Variants in BUB1B observed in about 807,000 individuals in gnomAD.
The protein encoded by BUB1B is mitotic checkpoint serine/threonine-protein kinase BUB1 beta.
In BUB1B, 86 loss-of-function variants were observed where a neutral mutation model predicts 137.7. The observed-to-expected ratio is 0.62, with a 90% CI of 0.52 to 0.75. BUB1B has a LOEUF of 0.75. Ranked by LOEUF, BUB1B falls within the 30% of genes least tolerant of loss-of-function variation. The pLI, the probability that BUB1B is intolerant of heterozygous loss-of-function variation, is 0.00. For synonymous variants in BUB1B, 420 were observed against 417.9 expected, an observed-to-expected ratio of 1.00 and a Z score of -0.06; for missense variants, 1,130 against 1,236.9, an observed-to-expected ratio of 0.91 and a Z score of 1.30.
chr15:40,197,475 G>A (rs2037512434), intron 9 of BUB1B, among the ~76,000 whole-genome samples: 1 of 152,108 alleles, frequency 6.6e-6, no homozygotes, highest in Non-Finnish European at 1.5e-5. Context: ...GGAGAATAAA[G>A]AAGGGTACAG....
rs755369007 is a variant in BUB1B, at chr15:40,213,351, A to C, written c.2555A>C (p.Glu852Ala). ...TTCCAGGATCTTCTCCAACACAGTG[A>C]ATATATTACCCATGAAATAACAGTG... Reference protein sequence around the residue: ...FTLQDLLQHSEYITHEITVLI... With the variant: ...FTLQDLLQHSAYITHEITVLI... Residue 852 changes from glutamate to alanine, a missense_variant, in exon 20 of 23, where the codon GAA (glutamate) becomes GCA (alanine). By Grantham distance (107) the Glu-to-Ala change is moderately radical. Transcript: ENST00000287598. 6.2e-7 allele frequency: 1 copy of C among 1,614,034 alleles called. No homozygotes were observed. Among genetic ancestry groups the C allele is most frequent in the Non-Finnish European group, 8.5e-7 (1 of 1,179,946 alleles).
chr15:40,189,425 G>A (rs756149654), intron 8 of BUB1B, among the ~76,000 whole-genome samples: 3 of 152,216 alleles, frequency 2.0e-5, no homozygotes, highest in South Asian at 2.1e-4. Flanking sequence ...TTCCCAGACC[G>A]CTGGGATTAT....
chr15:40,184,679 G>C (rs1295492307), intron 6 of BUB1B, among the ~76,000 whole-genome samples: 1 of 152,048 alleles, frequency 6.6e-6, no homozygotes, highest in Non-Finnish European at 1.5e-5. Context: ...GGGAGTGTAT[G>C]GTCCCAAAGG....
chr15:40,211,373 T>A (rs2037707903), intron 18 of BUB1B, among the ~76,000 whole-genome samples: 1 of 152,162 alleles, frequency 6.6e-6, no homozygotes, highest in Non-Finnish European at 1.5e-5. Context: ...GCTCTGTGTA[T>A]ATGGAAAGAC....
At chr15:40,177,308 G>A (rs2037234498) in intron 5 of BUB1B, among the ~76,000 whole-genome samples, 1 of 152,118 alleles carries the variant, frequency 6.6e-6, no homozygotes, top group Non-Finnish European at 1.5e-5. Context: ...TCTAGCCAAA[G>A]ATTGTTACAG....
At position 40,170,103 on chromosome 15, in the gene BUB1B, C is replaced by T; in HGVS notation, c.221C>T (p.Pro74Leu). The T allele has an allele frequency of 6.2e-7, 1 of 1,613,836 alleles. No homozygotes were observed. Among genetic ancestry groups the T allele is most frequent in the Non-Finnish European group, 8.5e-7 (1 of 1,179,744 alleles). Residue 74 changes from proline to leucine, a missense_variant, in exon 3 of 23, where the codon CCT becomes CTT. Physicochemically the swap from Pro to Leu is moderately conservative, Grantham distance 98. Transcript: ENST00000287598. ...YEIRFYTGND[P>L]LDVWDRYISW... Reference sequence around the variant, plus strand: ...ATTCGATTTTACACTGGAAATGACCCTCTGGATGTTTGGGATAGGTGGGTC... The same window carrying T: ...ATTCGATTTTACACTGGAAATGACCTTCTGGATGTTTGGGATAGGTGGGTC...
intron 2 of BUB1B, 115 bp from the exon 3 acceptor site, chr15:40,169,947 T>A (rs1364155819): frequency 4.4e-6 from 4 of 903,860 alleles, no homozygotes; most frequent in Non-Finnish European, 7.3e-6. Flanking sequence ...TAAACTCTAG[T>A]GCAATAATTT....
At chr15:40,186,895 T>A (rs944371708) in intron 8 of BUB1B, 5 of 151,170 alleles carry the variant, frequency 3.3e-5, no homozygotes, top group African/African-American at 1.2e-4. Flanking sequence ...GGGAAGGCTA[T>A]TTTTTTTCTT....
chr15:40,212,015 G>A (rs1325529521), intron 18 of BUB1B, among the ~76,000 whole-genome samples: 6 of 152,152 alleles, frequency 3.9e-5, no homozygotes, highest in African/African-American at 1.4e-4. Context: ...TAGCAGAGAC[G>A]GGGTTTCACC....
In BUB1B at chr15:40,199,564, A is replaced by T. The variant is rs533681332; in HGVS notation, c.1289-51A>T. Reference sequence around the variant, plus strand: ...ATGAGCTCCAAAGGCAGTTTTTGACAGAATGAGTTACTATGAGGAATAATA... The same window carrying T: ...ATGAGCTCCAAAGGCAGTTTTTGACTGAATGAGTTACTATGAGGAATAATA... On this transcript the variant is annotated intron_variant, in intron 9 of 22. Coordinates refer to ENST00000287598, the MANE Select transcript of BUB1B (RefSeq NM_001211.6). 2.7e-6 allele frequency: 4 copies of T among 1,473,402 alleles called. No homozygotes were observed. In the East Asian group the frequency reaches 9.1e-5, roughly 34 times the overall value. 91.3% of individuals were successfully genotyped at this position (1,473,402 alleles called of 1,614,324 possible). A position where few individuals can be genotyped will look rare whatever the true frequency, so the allele number is the denominator to read the frequency against.
chr15:40,179,034 G>A (rs577902674), intron 5 of BUB1B, among the ~76,000 whole-genome samples: 3 of 151,910 alleles, frequency 2.0e-5, no homozygotes, highest in Non-Finnish European at 4.4e-5. Context: ...TCGCTCCTAG[G>A]CAACCACTAC....
At position 40,161,110 on chromosome 15, in the gene BUB1B, G is replaced by T. The variant is rs943683902; in HGVS notation, c.-111G>T. ...CGGTTTGTTAGGGAGTCGTGTACGT[G>T]CCTTGGTCGCTTCTGTAGCTCCGAG... On this transcript the variant is annotated 5_prime_UTR_variant, in exon 1 of 23. Transcript: ENST00000287598. 1.8e-5 allele frequency: 25 copies of T among 1,419,336 alleles called. No individual in the cohort carries two copies. In the Admixed American group the frequency reaches 3.0e-4, roughly 17 times the overall value. The allele number at this position is 1,419,336 out of a possible 1,614,324, so 87.9% of individuals were successfully genotyped here. A position where few individuals can be genotyped will look rare whatever the true frequency, so the allele number is the denominator to read the frequency against.
intron 11 of BUB1B, among the ~76,000 whole-genome samples, chr15:40,200,680 T>TAAAAAA (rs1230269235): frequency 2.6e-5 from 4 of 152,366 alleles, no homozygotes; most frequent in Admixed American, 6.5e-5. Flanking sequence ...TTTTGTTTTA[T>TAAAAAA]AAAAATGGCA....
intron 5 of BUB1B, among the ~76,000 whole-genome samples, chr15:40,182,781 A>G (rs1485804614): frequency 6.6e-6 from 1 of 152,136 alleles, no homozygotes; most frequent in East Asian, 1.9e-4. Flanking sequence ...GGCCAGAAAG[A>G]TGGGGTTTCT....
intron 14 of BUB1B, among the ~76,000 whole-genome samples, 180 bp downstream of exon 14, chr15:40,202,874 C>G (rs190992857): frequency 5.3e-5 from 8 of 152,312 alleles, no homozygotes; most frequent in African/African-American, 1.9e-4. Flanking sequence ...TACTTTATAT[C>G]CTCTAGGATA....
At position 40,185,492 on chromosome 15, in the gene BUB1B, A is replaced by G. The variant is rs574466863; in HGVS notation, c.967-59A>G. The G allele has an allele frequency of 6.4e-4, 1,014 of 1,593,544 alleles. 12 individuals carry two copies. In the South Asian group the frequency reaches 0.01, roughly 16 times the overall value. On this transcript the variant is annotated intron_variant, in intron 7 of 22. Coordinates refer to ENST00000287598, the MANE Select transcript of BUB1B (RefSeq NM_001211.6). ...CCTCTTGAATATTTAGCCATGGTCT[A>G]TATATGCTGTCTGAGAACATAAAAC...
intron 4 of BUB1B, among the ~76,000 whole-genome samples, chr15:40,174,745 C>T (rs926087435): frequency 2.0e-5 from 3 of 152,206 alleles, no homozygotes; most frequent in Admixed American, 6.5e-5. Flanking sequence ...GTGGGTGGAT[C>T]ACCAGGTCAA....
At chr15:40,183,931 A>G (rs2037328134) in intron 6 of BUB1B, 48 bp downstream of exon 6, 1 of 1,565,252 alleles carries the variant, frequency 6.4e-7, no homozygotes, top group Non-Finnish European at 8.7e-7. Flanking sequence ...TTCTAGTGGT[A>G]AAATCATGTA....
intron 14 of BUB1B, among the ~76,000 whole-genome samples, chr15:40,203,532 T>C (rs941055790): frequency 3.9e-5 from 6 of 152,238 alleles, no homozygotes; most frequent in Non-Finnish European, 8.8e-5. Context: ...GTCAATTTTA[T>C]GGTATATGAA....
Sources: allele counts gnomAD v4.1 joint callset (sites outside exome capture counted in the v4.1 genomes callset), GRCh38; gene constraint gnomAD v4.1.1; transcripts MANE v1.5; gene names NCBI Gene and HGNC (gene_info 2026-07-23, HGNC 2026-07-21).